Variants in DOCK4 observed in about 807,000 individuals in gnomAD.
DOCK4 encodes dedicator of cytokinesis 4.
A neutral mutation model predicts 268.1 loss-of-function variants in DOCK4; 97 were observed. The ratio of observed to expected loss-of-function variants is 0.36; its 90% confidence interval spans 0.31 to 0.43. The LOEUF is 0.43. DOCK4 is among the 20% of genes least tolerant of loss of function. The pLI, the probability that DOCK4 is intolerant of heterozygous loss-of-function variation, is 1.00. For synonymous variants in DOCK4, 954 were observed against 887.2 expected, an observed-to-expected ratio of 1.08 and a Z score of -1.34; for missense variants, 2,145 against 2,455.7, an observed-to-expected ratio of 0.87 and a Z score of 2.67.
chr7:111,874,949 G>A (rs78162955), intron 17 of DOCK4, among the ~76,000 whole-genome samples: 7,214 of 152,232 alleles, frequency 0.047, 281 homozygotes, highest in South Asian at 0.11. Flanking sequence ...GTAGAAATAA[G>A]ATTTGTATAT....
chr7:111,823,432 T>C (rs995447723), intron 26 of DOCK4, among the ~76,000 whole-genome samples: 1 of 152,050 alleles, frequency 6.6e-6, no homozygotes, highest in African/African-American at 2.4e-5. Flanking sequence ...GGTCTTGAAC[T>C]CCTGACCTCA....
intron 8 of DOCK4, among the ~76,000 whole-genome samples, chr7:111,973,906 A>G (rs1797930256): frequency 6.6e-6 from 1 of 152,170 alleles, no homozygotes; most frequent in Non-Finnish European, 1.5e-5. Flanking sequence ...AAAATTTTAA[A>G]ACACTCACAA....
chr7:111,833,541 CAA>C (rs111895639), intron 26 of DOCK4, among the ~76,000 whole-genome samples: 4 of 138,410 alleles, frequency 2.9e-5, no homozygotes, highest in African/African-American at 7.8e-5. Context: ...AACCCTGCCT[CAA>C]AAAAAAAAAG....
intron 1 of DOCK4, among the ~76,000 whole-genome samples, chr7:112,007,561 T>C (rs1290921292): frequency 6.6e-6 from 1 of 152,178 alleles, no homozygotes; most frequent in African/African-American, 2.4e-5. Context: ...AACTCCACCT[T>C]GCTGTGTACT....
chr7:111,886,944 TA>T (rs924168775), intron 16 of DOCK4, among the ~76,000 whole-genome samples: 2 of 151,968 alleles, frequency 1.3e-5, no homozygotes, highest in Non-Finnish European at 2.9e-5. Context: ...AAATAACTGC[TA>T]AAAAAAAGTA....
intron 8 of DOCK4, among the ~76,000 whole-genome samples, chr7:111,973,137 G>T (rs1797857001): frequency 1.6e-5 from 2 of 123,816 alleles, no homozygotes; most frequent in Admixed American, 8.6e-5. Context: ...CCTTTATATG[G>T]CTGACTAGTA....
rs765860409 is a variant in DOCK4 at position 111,990,738 on chromosome 7, A to G, written c.316-1575T>C. Among the ~76,000 whole-genome samples, 65 of 152,166 alleles carry G rather than the reference A, an allele frequency of 4.3e-4. 2 individuals carry two copies. The highest frequency in any genetic ancestry group is 1.5e-4 in the Non-Finnish European group (10 of 68,016). ...CTCTTAACTCATGTTATACACTCCC[A>G]TACAAGCCATTACAAGGCCACTGTA... On this transcript the variant is annotated intron_variant, in intron 5 of 52. Coordinates refer to ENST00000428084, the MANE Select transcript of DOCK4 (RefSeq NM_001363540.2).
chr7:111,883,941 T>C (rs1169394608), intron 16 of DOCK4, among the ~76,000 whole-genome samples: 1 of 152,146 alleles, frequency 6.6e-6, no homozygotes, highest in African/African-American at 2.4e-5. Flanking sequence ...CACTGGGGTG[T>C]GTGTAAGAGA....
At chr7:111,931,976 G>T (rs917925094) in intron 12 of DOCK4, among the ~76,000 whole-genome samples, 2 of 152,172 alleles carry the variant, frequency 1.3e-5, no homozygotes, top group Non-Finnish European at 2.9e-5. Flanking sequence ...TAAGCAGAGG[G>T]AAATGTGTGG....
At position 111,818,262 on chromosome 7, in the gene DOCK4, C is replaced by T. The variant is rs73436203; in HGVS notation, c.2930+4100G>A. 1.4e-4 allele frequency among the ~76,000 whole-genome samples: 21 copies of T among 152,202 alleles called. No homozygotes were observed. The East Asian group carries it at 1.9e-3, about 14-fold the overall frequency. On this transcript the variant is annotated intron_variant, in intron 27 of 52. Transcript: ENST00000428084. The stretch of plus-strand genomic sequence containing the variant: ...CTAACCATATGCTGAGGAGCCCAAA[C>T]GCACATGTCCAGCCCCAACATCATC...
chr7:112,014,379 A>G (rs1801627443), intron 1 of DOCK4, among the ~76,000 whole-genome samples: 1 of 152,240 alleles, frequency 6.6e-6, no homozygotes, highest in African/African-American at 2.4e-5. Context: ...GGAAGGGACT[A>G]GTATTCCAAC....
intron 1 of DOCK4, among the ~76,000 whole-genome samples, chr7:112,192,331 T>C (rs1820033123): frequency 6.6e-6 from 1 of 152,100 alleles, no homozygotes. Context: ...AAGAAGGTTT[T>C]CCAGATATTT....
intron 1 of DOCK4, among the ~76,000 whole-genome samples, chr7:112,193,831 T>C (rs1820184419): frequency 1.3e-5 from 2 of 152,080 alleles, no homozygotes; most frequent in Non-Finnish European, 2.9e-5. Flanking sequence ...TTCTAAAGCA[T>C]GGAAGTCCCA....
chr7:111,818,584 G>A (rs978280165), intron 27 of DOCK4, among the ~76,000 whole-genome samples: 15 of 152,070 alleles, frequency 9.9e-5, no homozygotes, highest in African/African-American at 2.4e-4. Context: ...CTATCCGCCC[G>A]TCCAAGTCAT....
chr7:111,749,230 T>C (rs1796475679), intron 42 of DOCK4, among the ~76,000 whole-genome samples: 1 of 152,190 alleles, frequency 6.6e-6, no homozygotes, highest in Non-Finnish European at 1.5e-5. Flanking sequence ...ACTAAACCTT[T>C]GTTTTATGTA....
At chr7:111,759,274 TTTATCTGTGTGA>T (rs1797232121) in intron 40 of DOCK4, among the ~76,000 whole-genome samples, 2 of 152,188 alleles carry the variant, frequency 1.3e-5, no homozygotes, top group South Asian at 4.1e-4. Flanking sequence ...ATGACTTACA[TTTATCTGTGTGA>T]TTATCTGTGT....
At chr7:111,976,269 TTATATATATATATATATA>T (rs60146972) in intron 8 of DOCK4, among the ~76,000 whole-genome samples, 946 of 33,096 alleles carry the variant, frequency 0.029, 35 homozygotes, top group East Asian at 0.14. Context: ...TGTGTGTCTA[TTATATATATATATATATA>T]TATATATATA....
intron 42 of DOCK4, among the ~76,000 whole-genome samples, chr7:111,749,830 T>C (rs1398575979): frequency 6.6e-6 from 1 of 152,180 alleles, no homozygotes; most frequent in Non-Finnish European, 1.5e-5. Context: ...ACACTTAGTG[T>C]TGGAGAAGAT....
At chr7:112,202,425 T>C (rs1821023984) in intron 1 of DOCK4, among the ~76,000 whole-genome samples, 1 of 152,178 alleles carries the variant, frequency 6.6e-6, no homozygotes, top group Non-Finnish European at 1.5e-5. Context: ...ATACAATAAA[T>C]AACAATGCAT....
Sources: allele counts gnomAD v4.1 joint callset (sites outside exome capture counted in the v4.1 genomes callset), GRCh38; gene constraint gnomAD v4.1.1; transcripts MANE v1.5; gene names NCBI Gene and HGNC (gene_info 2026-07-23, HGNC 2026-07-21).